CHCHD3: variants seen among roughly 807,000 people sequenced by gnomAD.
The protein encoded by CHCHD3 is coiled-coil-helix-coiled-coil-helix domain containing 3, also known as MICOS complex subunit MIC19.
A neutral mutation model predicts 38.2 loss-of-function variants in CHCHD3; 20 were observed. The observed-to-expected ratio is 0.52, with a 90% CI of 0.37 to 0.76. The LOEUF (loss-of-function observed/expected upper bound fraction) is 0.76. Among genes scored for constraint, CHCHD3 ranks in the 30% least tolerant of loss-of-function variants. CHCHD3 has a pLI of 0.00. For synonymous variants in CHCHD3, 82 were observed against 100.0 expected, an observed-to-expected ratio of 0.82 and a Z score of 1.07; for missense variants, 245 against 279.2, an observed-to-expected ratio of 0.88 and a Z score of 0.87.
chr7:132,932,559 C>T (rs997626161), intron 4 of CHCHD3, among the ~76,000 whole-genome samples: 4 of 152,226 alleles, frequency 2.6e-5, no homozygotes, highest in African/African-American at 4.8e-5. Flanking sequence ...CTGAGGCTGC[C>T]GTCTCCCACT....
intron 6 of CHCHD3, among the ~76,000 whole-genome samples, 176 bp from the exon 7 acceptor site, chr7:132,796,753 A>G (rs1192504622): frequency 6.6e-6 from 1 of 152,220 alleles, no homozygotes; most frequent in African/African-American, 2.4e-5. Context: ...CATGATAAAA[A>G]TGACAAAGGG....
At chr7:132,997,602 T>A (rs915390866) in intron 3 of CHCHD3, among the ~76,000 whole-genome samples, 2 of 145,676 alleles carry the variant, frequency 1.4e-5, no homozygotes, top group African/African-American at 5.0e-5. Context: ...AAAATGCTTC[T>A]ACCATTTTCC....
chr7:132,957,268 GTA>G (rs151194440), intron 4 of CHCHD3, among the ~76,000 whole-genome samples: 222 of 152,302 alleles, frequency 1.5e-3, no homozygotes, highest in African/African-American at 5.1e-3. Flanking sequence ...CTAAAAAGAA[GTA>G]CAGTGATTGT....
intron 3 of CHCHD3, among the ~76,000 whole-genome samples, chr7:132,995,431 A>T (rs532521000): frequency 1.3e-4 from 20 of 152,320 alleles, no homozygotes; most frequent in African/African-American, 4.3e-4. Context: ...CCTATAATAC[A>T]ATATTGTTAG....
chr7:132,815,609 G>A (rs1241548983), intron 6 of CHCHD3: 1 of 455,580 alleles, frequency 2.2e-6, no homozygotes, highest in Non-Finnish European at 4.4e-6. Flanking sequence ...CCTGTTTTGT[G>A]ATATTTCATT....
intron 3 of CHCHD3, among the ~76,000 whole-genome samples, chr7:133,015,032 C>G (rs1249363863): frequency 6.6e-6 from 1 of 152,256 alleles, no homozygotes; most frequent in East Asian, 1.9e-4. Context: ...AAAATGTGCA[C>G]AAACAAGCAT....
chr7:132,934,952 A>T (rs537525821), intron 4 of CHCHD3, among the ~76,000 whole-genome samples: 1 of 152,336 alleles, frequency 6.6e-6, no homozygotes, highest in African/African-American at 2.4e-5. Context: ...TTTGTACTTC[A>T]GTTTCCTTCA....
chr7:132,933,742 C>T lies in CHCHD3; in HGVS notation c.369+41427G>A, dbSNP rs527420559. On this transcript the variant is annotated intron_variant, in intron 4 of 7. Coordinates refer to ENST00000262570, the MANE Select transcript of CHCHD3 (RefSeq NM_017812.4). ...GAAAACTTTATTACTCACTCAGGCA[C>T]AGGAAAGGTGAAAAGAATCCCTGGG... Among the ~76,000 whole-genome samples, 18 of 152,316 alleles carry T rather than the reference C, an allele frequency of 1.2e-4. No homozygotes were observed. The South Asian group carries it at 1.2e-3, about 11-fold the overall frequency.
At position 133,024,706 on chromosome 7, in the gene CHCHD3, C is replaced by T. The variant is rs575323353; in HGVS notation, c.170-79G>A. 39 of 1,058,376 alleles carry T rather than the reference C, an allele frequency of 3.7e-5. 1 individual carries two copies. Among genetic ancestry groups the T allele is most frequent in the South Asian group, 3.7e-4 (29 of 79,054 alleles). The allele number at this position is 1,058,376 out of a possible 1,614,324, so 65.6% of individuals were successfully genotyped here. A position where few individuals can be genotyped will look rare whatever the true frequency, so the allele number is the denominator to read the frequency against. Reference sequence around the variant, plus strand: ...AAGCAAGAAAATACTCAGGAAAGCCCGGCTGAGACTAGATTTGAACAGGCA... The same window carrying T: ...AAGCAAGAAAATACTCAGGAAAGCCTGGCTGAGACTAGATTTGAACAGGCA... On this transcript the variant is annotated intron_variant, in intron 2 of 7. Transcript: ENST00000262570.
At chr7:133,056,768 G>A (rs551355581) in intron 2 of CHCHD3, among the ~76,000 whole-genome samples, 1 of 152,290 alleles carries the variant, frequency 6.6e-6, no homozygotes, top group Admixed American at 6.5e-5. Flanking sequence ...GTGATCACCT[G>A]CTATATTTCA....
At chr7:133,008,919 T>A (rs1451615474) in intron 3 of CHCHD3, among the ~76,000 whole-genome samples, 1 of 149,840 alleles carries the variant, frequency 6.7e-6, no homozygotes, top group Non-Finnish European at 1.5e-5. Flanking sequence ...CTCTGCTGAG[T>A]ATGTGTCATT....
intron 4 of CHCHD3, among the ~76,000 whole-genome samples, chr7:132,887,241 C>T (rs1373956147): frequency 6.6e-6 from 1 of 151,612 alleles, no homozygotes; most frequent in Non-Finnish European, 1.5e-5. Context: ...AAAACAAATA[C>T]AATGTTAAGA....
chr7:132,920,081 T>C lies in CHCHD3; in HGVS notation c.370-34336A>G, dbSNP rs118095246. Among the ~76,000 whole-genome samples, 928 of 152,302 alleles carry C rather than the reference T, an allele frequency of 6.1e-3. 10 individuals are homozygous for C. The highest frequency in any genetic ancestry group is 0.031 in the Middle Eastern group (9 of 294). Reference sequence around the variant, plus strand: ...CATGCCCTTCTCTATCCCTTTATTATAACATGAGTAGTCCATGGAGCAGGG... The same window carrying C: ...CATGCCCTTCTCTATCCCTTTATTACAACATGAGTAGTCCATGGAGCAGGG... On this transcript the variant is annotated intron_variant, in intron 4 of 7. Coordinates refer to ENST00000262570, the MANE Select transcript of CHCHD3 (RefSeq NM_017812.4).
intron 2 of CHCHD3, among the ~76,000 whole-genome samples, chr7:133,056,671 G>A (rs1814346468): frequency 1.3e-5 from 2 of 152,176 alleles, no homozygotes; most frequent in South Asian, 4.1e-4. Context: ...CTTGGCAAGA[G>A]TCAATGTGGA....
chr7:132,904,651 A>G (rs1809752329), intron 4 of CHCHD3, among the ~76,000 whole-genome samples: 1 of 152,200 alleles, frequency 6.6e-6, no homozygotes. Flanking sequence ...TGGGACTGCA[A>G]ACTAGTTCAA....
chr7:132,880,319 G>T (rs1036835947), intron 5 of CHCHD3, among the ~76,000 whole-genome samples: 5 of 152,172 alleles, frequency 3.3e-5, no homozygotes, highest in African/African-American at 1.2e-4. Context: ...AGGGTTGTTG[G>T]TAAGTATAAA....
At chr7:133,046,560 T>C (rs986253576) in intron 2 of CHCHD3, among the ~76,000 whole-genome samples, 24 of 120,434 alleles carry the variant, frequency 2.0e-4, no homozygotes, top group African/African-American at 7.7e-4. Context: ...TGTAATGCTA[T>C]GTATTTTTTT....
At chr7:132,834,024 T>A (rs1028783360) in intron 6 of CHCHD3, among the ~76,000 whole-genome samples, 1 of 152,192 alleles carries the variant, frequency 6.6e-6, no homozygotes, top group African/African-American at 2.4e-5. Flanking sequence ...AGAGGAACTG[T>A]TGAGTTCCGG....
At chr7:132,812,192 T>C (rs1585535996) in intron 6 of CHCHD3, among the ~76,000 whole-genome samples, 2 of 62,254 alleles carry the variant, frequency 3.2e-5, no homozygotes, top group Non-Finnish European at 6.1e-5. Context: ...ACTTCCTTTT[T>C]TTCTTTTCTT....
Sources: gnomAD v4.1 joint callset for allele counts (sites outside exome capture counted in the v4.1 genomes callset) on GRCh38, gnomAD v4.1.1 for gene constraint, MANE v1.5 for transcripts, NCBI Gene and HGNC (gene_info 2026-07-23, HGNC 2026-07-21) for gene names.